FHIT: variants seen among roughly 807,000 people sequenced by gnomAD.
FHIT encodes the protein bis(5'-adenosyl)-triphosphatase.
A neutral mutation model predicts 17.9 loss-of-function variants in FHIT; 19 were observed. The ratio of observed to expected loss-of-function variants is 1.06; its 90% CI spans 0.74 to 1.56. The LOEUF is 1.56. FHIT is among the 40% of genes most tolerant of loss of function. The pLI is 0.00. For synonymous variants in FHIT, 81 were observed against 69.7 expected (o/e 1.16, Z -0.81); for missense variants, 248 against 189.2 (o/e 1.31, Z -1.82).
At position 60,099,816 on chromosome 3, in the gene FHIT, G is replaced by C. The variant is rs957377991; in HGVS notation, c.104-85664C>G. Among the ~76,000 whole-genome samples the C allele has an allele frequency of 9.9e-5, 15 of 152,118 alleles. 1 individual carries two copies. The stretch of plus-strand genomic sequence containing the variant: ...ACACAGCTCCATCATATGTCATAGA[G>C]CATGTATACTGGGTAAGCTTCATGA... On this transcript the variant is annotated intron_variant, in intron 5 of 9. Coordinates refer to ENST00000492590, the MANE Select transcript of FHIT (RefSeq NM_002012.4).
intron 4 of FHIT, among the ~76,000 whole-genome samples, chr3:60,596,910 A>T (rs1318367274): frequency 6.6e-6 from 1 of 152,086 alleles, no homozygotes. Context: ...TTTCTACTGT[A>T]TTTGATTTCA....
intron 5 of FHIT, among the ~76,000 whole-genome samples, chr3:60,420,215 T>C (rs1702418309): frequency 6.6e-6 from 1 of 152,206 alleles, no homozygotes; most frequent in Admixed American, 6.5e-5. Context: ...ATATTTCCTG[T>C]AACTTGCTTT....
At chr3:60,237,964 C>T (rs879454095) in intron 5 of FHIT, among the ~76,000 whole-genome samples, 6 of 151,500 alleles carry the variant, frequency 4.0e-5, no homozygotes, top group Admixed American at 6.6e-5. Flanking sequence ...GGTGAAACTC[C>T]ATCTCTACTA....
At chr3:61,063,532 G>A (rs2034501380) in intron 2 of FHIT, among the ~76,000 whole-genome samples, 2 of 152,162 alleles carry the variant, frequency 1.3e-5, no homozygotes, top group South Asian at 4.1e-4. Flanking sequence ...AAGGGTGGCA[G>A]TTGGCACAGT....
At chr3:60,818,058 T>G (rs1701799923) in intron 4 of FHIT, among the ~76,000 whole-genome samples, 1 of 152,132 alleles carries the variant, frequency 6.6e-6, no homozygotes, top group South Asian at 2.1e-4. Flanking sequence ...CTCAATGAGT[T>G]TTTATTTCAA....
In FHIT at chr3:61,132,474, G is replaced by C. The variant is rs867158806; in HGVS notation, c.-164+68143C>G. On this transcript the variant is annotated intron_variant, in intron 2 of 9. Coordinates refer to ENST00000492590, the MANE Select transcript of FHIT (RefSeq NM_002012.4). The stretch of plus-strand genomic sequence containing the variant: ...ACACATGTCCTAGACAGACAACTAA[G>C]TTAATATAAGGCAAATGGATGGGAG... 2.6e-5 allele frequency among the ~76,000 whole-genome samples: 4 copies of C among 152,292 alleles called. No homozygotes were observed. The Middle Eastern group carries it at 0.01, about 389-fold the overall frequency.
At chr3:60,690,242 C>G in intron 4 of FHIT, 1 of 533,870 alleles carries the variant, frequency 1.9e-6, no homozygotes, top group Non-Finnish European at 3.7e-6. Context: ...TGTCCACAGT[C>G]AGCAATAGTG....
At chr3:60,660,936 G>A (rs1299562918) in intron 4 of FHIT, among the ~76,000 whole-genome samples, 1 of 151,550 alleles carries the variant, frequency 6.6e-6, no homozygotes, top group Non-Finnish European at 1.5e-5. Context: ...TTCATTCCTT[G>A]TAGTTGGGCT....
chr3:60,038,213 G>T (rs1043855082), intron 5 of FHIT, among the ~76,000 whole-genome samples: 1 of 152,008 alleles, frequency 6.6e-6, no homozygotes, highest in African/African-American at 2.4e-5. Context: ...TTACATTTTT[G>T]AAAGGGTTTA....
intron 5 of FHIT, among the ~76,000 whole-genome samples, chr3:60,199,153 T>C (rs1414793307): frequency 6.6e-6 from 1 of 152,096 alleles, no homozygotes; most frequent in Non-Finnish European, 1.5e-5. Flanking sequence ...TACTAAAAAT[T>C]ACCTTGGGAC....
chr3:60,207,843 T>C (rs6775757), intron 5 of FHIT, among the ~76,000 whole-genome samples: 35,490 of 152,040 alleles, frequency 0.23, 4,248 homozygotes, highest in African/African-American at 0.27. Flanking sequence ...GTAGGGGTAA[T>C]GTATTCTTAG....
At chr3:59,979,746 C>A (rs1708570098) in intron 7 of FHIT, among the ~76,000 whole-genome samples, 1 of 152,072 alleles carries the variant, frequency 6.6e-6, no homozygotes, top group Non-Finnish European at 1.5e-5. Flanking sequence ...ATACTCCCAC[C>A]CTGCCCATAA....
intron 7 of FHIT, among the ~76,000 whole-genome samples, chr3:59,967,210 G>C (rs765618319): frequency 1.3e-5 from 2 of 151,976 alleles, no homozygotes; most frequent in Non-Finnish European, 2.9e-5. Context: ...TTCTGCAATA[G>C]TCCCTGAAGG....
intron 5 of FHIT, among the ~76,000 whole-genome samples, chr3:60,015,650 A>G (rs1409932876): frequency 6.6e-6 from 1 of 152,130 alleles, no homozygotes; most frequent in African/African-American, 2.4e-5. Flanking sequence ...TGACTTCACC[A>G]AACCACAGCA....
intron 5 of FHIT, among the ~76,000 whole-genome samples, chr3:60,081,687 T>C (rs1313919092): frequency 6.6e-6 from 1 of 152,096 alleles, no homozygotes; most frequent in Non-Finnish European, 1.5e-5. Flanking sequence ...TTATTAACTA[T>C]CCGATAATAA....
chr3:60,186,741 G>C (rs1390962312), intron 5 of FHIT, among the ~76,000 whole-genome samples: 1 of 151,938 alleles, frequency 6.6e-6, no homozygotes, highest in Non-Finnish European at 1.5e-5. Context: ...AGAGAAATTA[G>C]AGCAGAAGAG....
intron 5 of FHIT, among the ~76,000 whole-genome samples, chr3:60,044,288 G>A (rs1701561890): frequency 6.6e-6 from 1 of 152,166 alleles, no homozygotes; most frequent in African/African-American, 2.4e-5. Context: ...AGACTCAAAA[G>A]TTTTAACTCC....
At chr3:59,818,225 A>C (rs1055540316) in intron 8 of FHIT, among the ~76,000 whole-genome samples, 2 of 152,152 alleles carry the variant, frequency 1.3e-5, no homozygotes, top group Non-Finnish European at 2.9e-5. Flanking sequence ...ATTCATTATG[A>C]ATCAGCCCAC....
At chr3:61,115,363 G>T (rs968899872) in intron 2 of FHIT, among the ~76,000 whole-genome samples, 1 of 152,200 alleles carries the variant, frequency 6.6e-6, no homozygotes. Context: ...GCATAGAATG[G>T]ATCTGAAAGC....
Sources: allele counts gnomAD v4.1 joint callset (sites outside exome capture counted in the v4.1 genomes callset), GRCh38; gene constraint gnomAD v4.1.1; transcripts MANE v1.5; gene names NCBI Gene and HGNC (gene_info 2026-07-23, HGNC 2026-07-21).